RAD51C: variants seen among roughly 807,000 people sequenced by gnomAD.
RAD51C encodes DNA repair protein RAD51 homolog 3.
Under a neutral mutation model 45.0 loss-of-function variants are expected in RAD51C, and 42 were observed. The ratio of observed to expected loss-of-function variants is 0.93; its 90% CI spans 0.73 to 1.21. The LOEUF is 1.21. Among genes scored for constraint, RAD51C ranks in the 50% most tolerant of loss-of-function variants. The probability of loss-of-function intolerance (pLI) is 0.00; values close to 1 mark genes in which losing one functional copy is unlikely to be tolerated. For synonymous variants in RAD51C, 172 were observed against 159.8 expected, an observed-to-expected ratio of 1.08 and a Z score of -0.58; for missense variants, 474 against 452.2, an observed-to-expected ratio of 1.05 and a Z score of -0.44.
At chr17:58,701,604 T>C (rs1311924773) in intron 3 of RAD51C, among the ~76,000 whole-genome samples, 1 of 150,344 alleles carries the variant, frequency 6.7e-6, no homozygotes, top group Non-Finnish European at 1.5e-5. Context: ...AGAGTCTTGC[T>C]CTGTCGCCCA....
At chr17:58,694,875 T>C (rs2047937451) in intron 1 of RAD51C, 56 bp from the exon 2 acceptor site, 2 of 1,415,428 alleles carry the variant, frequency 1.4e-6, no homozygotes, top group African/African-American at 1.4e-5. Context: ...TCGATTATCA[T>C]GTTACACTTT....
chr17:58,696,094 T>C (rs2047995046), intron 2 of RAD51C, among the ~76,000 whole-genome samples: 1 of 149,208 alleles, frequency 6.7e-6, no homozygotes, highest in African/African-American at 2.5e-5. Flanking sequence ...GGTAGATTTA[T>C]GTATAATAAG....
chr17:58,723,459 TCCC>T (rs754922355), intron 6 of RAD51C, among the ~76,000 whole-genome samples: 9 of 151,988 alleles, frequency 5.9e-5, no homozygotes, highest in Admixed American at 2.6e-4. Flanking sequence ...TCGTATGCTC[TCCC>T]CCCAAGAGGC....
At chr17:58,700,239 T>C (rs888451597) in intron 3 of RAD51C, 16 of 152,258 alleles carry the variant, frequency 1.1e-4, no homozygotes, top group African/African-American at 3.9e-4. Flanking sequence ...AATAAACTCT[T>C]TCTCTTGTTA....
At chr17:58,699,456 T>C in intron 3 of RAD51C, among the ~76,000 whole-genome samples, 1 of 152,316 alleles carries the variant, frequency 6.6e-6, no homozygotes, top group Non-Finnish European at 1.5e-5. Flanking sequence ...ATTTTTTTTT[T>C]TCATGGAGGT....
At chr17:58,712,456 T>G (rs939763955) in intron 5 of RAD51C, among the ~76,000 whole-genome samples, 3 of 151,946 alleles carry the variant, frequency 2.0e-5, no homozygotes, top group Non-Finnish European at 4.4e-5. Context: ...TACTCAGAGA[T>G]TGTGTAAATA....
At chr17:58,731,369 C>G (rs577495350) in intron 7 of RAD51C, among the ~76,000 whole-genome samples, 4 of 151,448 alleles carry the variant, frequency 2.6e-5, no homozygotes, top group African/African-American at 9.7e-5. Context: ...AAGCGATTCT[C>G]CTGCCTCAGC....
At chr17:58,726,013 AAAAC>A (rs1158705130) in intron 7 of RAD51C, among the ~76,000 whole-genome samples, 2 of 151,556 alleles carry the variant, frequency 1.3e-5, no homozygotes, top group African/African-American at 4.8e-5. Context: ...AAAAAAAAAA[AAAAC>A]AAGAAAATGA....
chr17:58,695,068 C>A lies in RAD51C; in HGVS notation c.283C>A (p.His95Asn), dbSNP rs1317173760. The change falls in exon 2 of 9, where the codon CAT becomes AAT. Residue 95 changes from histidine (H) to asparagine (N), a missense_variant. By Grantham distance (68) the His-to-Asn change is moderately conservative (BLOSUM62 1). Transcript: ENST00000337432. ...CTALELLEQEHTQGFIITFCS... is the reference protein window; with the variant it reads ...CTALELLEQENTQGFIITFCS... The stretch of plus-strand genomic sequence containing the variant: ...AGCACTGGAACTTCTTGAGCAGGAG[C>A]ATACCCAGGGCTTCATAATCACCTT... The A allele has an allele frequency of 6.2e-7, 1 of 1,614,110 alleles. No homozygotes were observed. The highest frequency in any genetic ancestry group is 1.7e-5 in the Admixed American group (1 of 60,000).
At chr17:58,708,175 A>G (rs2048436172) in intron 4 of RAD51C, among the ~76,000 whole-genome samples, 1 of 151,978 alleles carries the variant, frequency 6.6e-6, no homozygotes, top group Non-Finnish European at 1.5e-5. Context: ...TCAGCTCTCT[A>G]CTGTAAACAA....
At chr17:58,733,026 CTT>C (rs990347458) in intron 8 of RAD51C, among the ~76,000 whole-genome samples, 4 of 151,266 alleles carry the variant, frequency 2.6e-5, no homozygotes, top group African/African-American at 9.7e-5. Context: ...TTTGGCATCT[CTT>C]TTTTTTTGAG....
chr17:58,731,086 C>T (rs1248547470), intron 7 of RAD51C, among the ~76,000 whole-genome samples: 1 of 152,118 alleles, frequency 6.6e-6, no homozygotes, highest in East Asian at 1.9e-4. Flanking sequence ...CTTCAAGGCT[C>T]ATTTATGTTG....
intron 4 of RAD51C, among the ~76,000 whole-genome samples, chr17:58,708,754 A>G (rs1307002884): frequency 8.6e-5 from 13 of 151,934 alleles, no homozygotes; most frequent in South Asian, 2.1e-4. Context: ...GCTGGAGTGC[A>G]TGGCAGGGTT....
intron 8 of RAD51C, 40 bp downstream of exon 8, chr17:58,732,584 G>A (rs2144047326): frequency 1.2e-5 from 18 of 1,555,084 alleles, no homozygotes; most frequent in Non-Finnish European, 1.6e-5. Context: ...TGATATTGAT[G>A]GGCGGTAATT....
rs876659009 is a variant in RAD51C, at chr17:58,724,047, T to C, written c.912T>C (p.Ser304=). The change falls in exon 7 of 9, where the codon AGT becomes AGC. Residue 304 remains serine, a synonymous_variant. Transcript: ENST00000337432. ...QALLVPALGE[S]WGHAATIRLI... ...TATGTTTTTTACTCTCAGGGGAAAG[T>C]TGGGGACATGCTGCTACAATACGGC... 3.1e-6 allele frequency: 5 copies of C among 1,612,814 alleles called. No homozygotes were observed. The highest frequency in any genetic ancestry group is 2.2e-5 in the East Asian group (1 of 44,852).
At chr17:58,704,920 T>A (rs1423082165) in intron 4 of RAD51C, among the ~76,000 whole-genome samples, 2 of 151,648 alleles carry the variant, frequency 1.3e-5, no homozygotes, top group Non-Finnish European at 2.9e-5. Context: ...ATTAATTTTT[T>A]TTTTGAGTCG....
At chr17:58,696,269 A>G (rs1293256655) in intron 2 of RAD51C, among the ~76,000 whole-genome samples, 2 of 151,864 alleles carry the variant, frequency 1.3e-5, no homozygotes, top group East Asian at 3.9e-4. Context: ...CGTTTCTACT[A>G]AAAAATACAA....
At chr17:58,696,311 T>C (rs573954504) in intron 2 of RAD51C, among the ~76,000 whole-genome samples, 1 of 152,090 alleles carries the variant, frequency 6.6e-6, no homozygotes, top group South Asian at 2.1e-4. Context: ...CGGGTGCTTG[T>C]AGTCCTAGCT....
At chr17:58,704,071 A>G (rs1876257276) in intron 4 of RAD51C, among the ~76,000 whole-genome samples, 1 of 146,640 alleles carries the variant, frequency 6.8e-6, no homozygotes, top group African/African-American at 2.5e-5. Flanking sequence ...ATTTTGGTAA[A>G]CATTATCAGT....
Sources: gnomAD v4.1 joint callset for allele counts (sites outside exome capture counted in the v4.1 genomes callset) on GRCh38, gnomAD v4.1.1 for gene constraint, MANE v1.5 for transcripts, NCBI Gene and HGNC (gene_info 2026-07-23, HGNC 2026-07-21) for gene names.